The following ANKRD12 variants were observed in gnomAD, a reference collection of about 807,000 sequenced individuals.
ANKRD12 encodes ankyrin repeat domain 12, also known as ankyrin repeat domain-containing protein 12.
ANKRD12 carries 85 observed loss-of-function variants against 183.4 expected under a neutral mutation model. The ratio of observed to expected loss-of-function variants is 0.46; its 90% CI spans 0.39 to 0.56. The LOEUF (loss-of-function observed/expected upper bound fraction) is 0.56. Ranked by LOEUF, ANKRD12 falls within the 20% of genes least tolerant of loss-of-function variation. The pLI is 0.00. For synonymous variants in ANKRD12, 914 were observed against 800.2 expected, an observed-to-expected ratio of 1.14 and a Z score of -2.40; for missense variants, 2,405 against 2,357.1, an observed-to-expected ratio of 1.02 and a Z score of -0.42.
intron 2 of ANKRD12, among the ~76,000 whole-genome samples, chr18:9,191,185 G>A (rs1484200909): frequency 6.6e-6 from 1 of 152,178 alleles, no homozygotes; most frequent in African/African-American, 2.4e-5. Context: ...AAAGACTCTA[G>A]AAATATTTTA....
chr18:9,194,614 C>G (rs1376084471), intron 2 of ANKRD12, among the ~76,000 whole-genome samples: 1 of 152,090 alleles, frequency 6.6e-6, no homozygotes, highest in Non-Finnish European at 1.5e-5. Flanking sequence ...GCTGTGGCCT[C>G]CCACAGTGCC....
At chr18:9,142,038 A>AG (rs2078333970) in intron 1 of ANKRD12, among the ~76,000 whole-genome samples, 1 of 152,156 alleles carries the variant, frequency 6.6e-6, no homozygotes, top group Admixed American at 6.5e-5. Flanking sequence ...CTGGGATTAC[A>AG]GGTCTTAGCC....
At chr18:9,214,501 G>A (rs558619046) in intron 6 of ANKRD12, among the ~76,000 whole-genome samples, 34 of 149,374 alleles carry the variant, frequency 2.3e-4, no homozygotes, top group Middle Eastern at 3.4e-3. Context: ...TAAGCAGTTC[G>A]TCTCTCCAGT....
chr18:9,161,623 G>A (rs184603339), intron 1 of ANKRD12, among the ~76,000 whole-genome samples: 2,233 of 151,956 alleles, frequency 0.015, 60 homozygotes, highest in African/African-American at 0.052. Flanking sequence ...TGATCCGCCC[G>A]CCTCGGCCTT....
rs147162403 is a variant in ANKRD12, at chr18:9,282,773, T to A, written c.*1647T>A. On this transcript the variant is annotated 3_prime_UTR_variant, in exon 13 of 13. Coordinates refer to ENST00000262126, the MANE Select transcript of ANKRD12 (RefSeq NM_015208.5). The stretch of plus-strand genomic sequence containing the variant: ...GAATGTAAATGTGCAAAGGTACATA[T>A]TAAGCTTAGGGATTTTTGAATTTTT... 6.6e-6 allele frequency: 1 copy of A among 152,606 alleles called. No individual in the cohort carries two copies. The highest frequency in any genetic ancestry group is 2.1e-4 in the South Asian group (1 of 4,828). The allele number at this position is 152,606 out of a possible 1,614,324, so 9.5% of individuals were successfully genotyped here. A position where few individuals can be genotyped will look rare whatever the true frequency, so the allele number is the denominator to read the frequency against.
chr18:9,235,851 G>A (rs748684224), intron 8 of ANKRD12: 2 of 331,302 alleles, frequency 6.0e-6, no homozygotes, highest in African/African-American at 2.1e-5. Flanking sequence ...GCAAGACTGA[G>A]AAATATGTGT....
chr18:9,256,692 A>C lies in ANKRD12; in HGVS notation c.3425A>C (p.Lys1142Thr), dbSNP rs748933003. ...ESKNKELTRSKSSEVTDAYTK... is the reference protein window; with the variant it reads ...ESKNKELTRSTSSEVTDAYTK... ...AAAAATAAAGAACTTACTAGGTCAAAGAGTTCAGAAGTGACTGATGCATAT... is the reference window on the plus strand; with the variant it reads ...AAAAATAAAGAACTTACTAGGTCAACGAGTTCAGAAGTGACTGATGCATAT... The change falls in exon 9 of 13, where the codon AAG becomes ACG. Residue 1142 changes from lysine to threonine, a missense_variant. By Grantham distance (78) the Lys-to-Thr change is moderately conservative (BLOSUM62 -1). Transcript: ENST00000262126. 1.1e-5 allele frequency: 17 copies of C among 1,605,498 alleles called. No individual in the cohort carries two copies. The highest frequency in any genetic ancestry group is 3.4e-5 in the South Asian group (3 of 88,766).
chr18:9,157,575 G>GTATATATA (rs1324001858), intron 1 of ANKRD12, among the ~76,000 whole-genome samples: 7 of 112,776 alleles, frequency 6.2e-5, no homozygotes, highest in Non-Finnish European at 8.8e-5. Flanking sequence ...GTGTGTGTGT[G>GTATATATA]TGTGTGTGTG....
intron 10 of ANKRD12, among the ~76,000 whole-genome samples, chr18:9,273,279 TGTG>T (rs2039689813): frequency 6.6e-6 from 1 of 152,204 alleles, no homozygotes; most frequent in Non-Finnish European, 1.5e-5. Flanking sequence ...TTATGAACCT[TGTG>T]GTAGAATGAC....
At chr18:9,159,425 T>C (rs1409357446) in intron 1 of ANKRD12, among the ~76,000 whole-genome samples, 1 of 152,034 alleles carries the variant, frequency 6.6e-6, no homozygotes, top group Non-Finnish European at 1.5e-5. Flanking sequence ...CCATTTATTT[T>C]TTTACTTTTT....
chr18:9,158,803 T>A lies in ANKRD12; in HGVS notation c.-52+21838T>A, dbSNP rs540398753. ...TGTCTGCATAAACTATCTGCAGTTC[T>A]TCATGGAAGACTTACTCATTCTCTC... is the stretch of plus-strand genomic sequence containing the variant. On this transcript the variant is annotated intron_variant, in intron 1 of 12. Coordinates refer to ENST00000262126, the MANE Select transcript of ANKRD12 (RefSeq NM_015208.5). Among the ~76,000 whole-genome samples, 26 of 152,336 alleles carry A rather than the reference T, an allele frequency of 1.7e-4. No individual in the cohort carries two copies. In the South Asian group the frequency reaches 5.4e-3, roughly 32 times the overall value.
chr18:9,185,785 G>C (rs1274200921), intron 2 of ANKRD12, among the ~76,000 whole-genome samples: 1 of 152,136 alleles, frequency 6.6e-6, no homozygotes, highest in East Asian at 1.9e-4. Context: ...CACAGAGAAT[G>C]GCTAAAGGGA....
rs1313440258 is a variant in ANKRD12 at position 9,256,238 on chromosome 18, A to G, written c.2971A>G (p.Lys991Glu). The change falls in exon 9 of 13, where the codon AAA becomes GAA. Residue 991 changes from lysine to glutamate, a missense_variant. Physicochemically the swap from Lys to Glu is moderately conservative, Grantham distance 56 (BLOSUM62 1). Coordinates refer to ENST00000262126, the MANE Select transcript of ANKRD12 (RefSeq NM_015208.5). Reference protein sequence around the residue: ...EKKSSIVDGNKAQHEKPLSLK... With the variant: ...EKKSSIVDGNEAQHEKPLSLK... ...AAAATCAAGTATAGTAGACGGTAAT[A>G]AAGCACAACATGAAAAACCCTTATC... is the stretch of plus-strand genomic sequence containing the variant. 3.7e-6 allele frequency: 6 copies of G among 1,601,202 alleles called. No individual in the cohort carries two copies. The South Asian group carries it at 6.8e-5, about 18-fold the overall frequency.
At chr18:9,223,467 A>C (rs2036538440) in intron 8 of ANKRD12, among the ~76,000 whole-genome samples, 1 of 152,090 alleles carries the variant, frequency 6.6e-6, no homozygotes, top group Non-Finnish European at 1.5e-5. Flanking sequence ...AAAAAAACCC[A>C]AAACCAAAAA....
At chr18:9,167,982 G>A (rs980044003) in intron 1 of ANKRD12, among the ~76,000 whole-genome samples, 1 of 152,134 alleles carries the variant, frequency 6.6e-6, no homozygotes, top group African/African-American at 2.4e-5. Flanking sequence ...TAATCATGTG[G>A]TTTTTGTCTT....
chr18:9,206,766 A>G (rs997886773), intron 4 of ANKRD12, among the ~76,000 whole-genome samples: 1 of 152,226 alleles, frequency 6.6e-6, no homozygotes. Flanking sequence ...TGATGCATAT[A>G]TAAGTATCTT....
At chr18:9,149,796 T>TA (rs1374032798) in intron 1 of ANKRD12, among the ~76,000 whole-genome samples, 1,868 of 114,114 alleles carry the variant, frequency 0.016, 21 homozygotes, top group Non-Finnish European at 0.024. Context: ...TTATTAAATT[T>TA]TATTTTTTTT....
intron 9 of ANKRD12, chr18:9,259,929 A>G (rs2145252289): frequency 6.6e-6 from 1 of 152,346 alleles, no homozygotes; most frequent in Non-Finnish European, 1.5e-5. Flanking sequence ...AGAACACTAT[A>G]TAGATTTAAG....
At chr18:9,218,944 A>G (rs781124426) in intron 7 of ANKRD12, among the ~76,000 whole-genome samples, 3 of 152,134 alleles carry the variant, frequency 2.0e-5, no homozygotes, top group Non-Finnish European at 4.4e-5. Flanking sequence ...TATGGGCATT[A>G]GCCACCGGTG....
Sources: allele counts gnomAD v4.1 joint callset (sites outside exome capture counted in the v4.1 genomes callset), GRCh38; gene constraint gnomAD v4.1.1; transcripts MANE v1.5; gene names NCBI Gene and HGNC (gene_info 2026-07-23, HGNC 2026-07-21).